Variants in LGSN observed in about 807,000 individuals in gnomAD.
LGSN encodes lengsin, lens protein with glutamine synthetase domain.
LGSN carries 21 observed loss-of-function variants against 19.5 expected under a neutral mutation model. That is an observed-to-expected ratio of 1.07 (90% CI 0.76 to 1.55). LGSN has a LOEUF of 1.55. LGSN is among the 40% of genes most tolerant of loss of function. The probability of loss-of-function intolerance (pLI) is 0.00; values close to 1 mark genes in which losing one functional copy is unlikely to be tolerated. For synonymous variants in LGSN, 257 were observed against 215.6 expected, an observed-to-expected ratio of 1.19 and a Z score of -1.68; for missense variants, 673 against 608.5, an observed-to-expected ratio of 1.11 and a Z score of -1.12.
the LGSN span, among the ~76,000 whole-genome samples, chr6:63,477,608 C>T: frequency 6.8e-6 from 1 of 146,146 alleles, no homozygotes; most frequent in East Asian, 2.1e-4. Flanking sequence ...TTTTTCGTCA[C>T]ATAAATCACG....
chr6:63,381,921 T>G, the LGSN span, among the ~76,000 whole-genome samples: 1 of 152,212 alleles, frequency 6.6e-6, no homozygotes, highest in Non-Finnish European at 1.5e-5. Flanking sequence ...ATATTGTTTT[T>G]TTAATTCCAA....
At chr6:63,468,777 C>A in the LGSN span, among the ~76,000 whole-genome samples, 2 of 151,736 alleles carry the variant, frequency 1.3e-5, no homozygotes, top group African/African-American at 2.4e-5. Flanking sequence ...GAGATGGAGT[C>A]TCGCTCTATT....
At chr6:63,503,831 A>G in the LGSN span, among the ~76,000 whole-genome samples, 3 of 152,096 alleles carry the variant, frequency 2.0e-5, no homozygotes, top group African/African-American at 7.2e-5. Context: ...TGGGAGAATC[A>G]CCAGAGCCTG....
At chr6:63,379,495 A>G in the LGSN span, among the ~76,000 whole-genome samples, 2 of 152,318 alleles carry the variant, frequency 1.3e-5, no homozygotes, top group African/African-American at 4.8e-5. Context: ...TAAAGGTGGA[A>G]GTGCAGTTGA....
the LGSN span, chr6:63,549,553 G>A: frequency 1.6e-6 from 1 of 608,888 alleles, no homozygotes; most frequent in Non-Finnish European, 2.9e-6. Flanking sequence ...GATAAATGTT[G>A]ACAAGATTTG....
chr6:63,367,228 T>G, the LGSN span, among the ~76,000 whole-genome samples: 2 of 152,108 alleles, frequency 1.3e-5, no homozygotes, highest in African/African-American at 4.8e-5. Flanking sequence ...TACAAAGAAC[T>G]TTAACAAATT....
At position 63,285,595 on chromosome 6, in the gene LGSN, A is replaced by G; in HGVS notation, c.322T>C (p.Phe108Leu). The G allele has an allele frequency of 6.2e-7, 1 of 1,612,270 alleles. No individual in the cohort carries two copies. Among genetic ancestry groups the G allele is most frequent in the Non-Finnish European group, 8.5e-7 (1 of 1,178,918 alleles). The stretch of plus-strand genomic sequence containing the variant: ...AACTGTGTAAAACTCACTTGAAAAA[A>G]GTGTGCAGGGATAGTCTTAGACCTG... ...VSRSKTIPAH[F>L]FQEKVSHGVC... Residue 108 changes from phenylalanine (F) to leucine (L), a missense_variant, in exon 3 of 4, where the codon TTT becomes CTT. Transcript: ENST00000370657.
At chr6:63,288,397 C>A (rs907568058) in intron 2 of LGSN, among the ~76,000 whole-genome samples, 1 of 150,208 alleles carries the variant, frequency 6.7e-6, no homozygotes, top group South Asian at 2.1e-4. Context: ...TGATGTGGGG[C>A]AAGTATAGAT....
At chr6:63,559,608 G>A in the LGSN span, among the ~76,000 whole-genome samples, 3 of 152,086 alleles carry the variant, frequency 2.0e-5, no homozygotes, top group Non-Finnish European at 2.9e-5. Context: ...AGCCAGGCAT[G>A]GTGGTGTATG....
At chr6:63,557,423 G>T in the LGSN span, among the ~76,000 whole-genome samples, 1 of 151,888 alleles carries the variant, frequency 6.6e-6, no homozygotes, top group African/African-American at 2.4e-5. Context: ...AAAATTATCT[G>T]GTGTAGTGTG....
chr6:63,332,451 C>G, the LGSN span, among the ~76,000 whole-genome samples: 1 of 152,112 alleles, frequency 6.6e-6, no homozygotes, highest in Non-Finnish European at 1.5e-5. Flanking sequence ...CAGGGTCAAC[C>G]AACATGTTGT....
the LGSN span, among the ~76,000 whole-genome samples, chr6:63,431,577 C>T: frequency 6.6e-6 from 1 of 152,194 alleles, no homozygotes; most frequent in Non-Finnish European, 1.5e-5. Flanking sequence ...ACTTAATCCC[C>T]ATGAGCTTTA....
At chr6:63,403,602 G>A in the LGSN span, among the ~76,000 whole-genome samples, 2 of 151,600 alleles carry the variant, frequency 1.3e-5, no homozygotes, top group Non-Finnish European at 2.9e-5. Context: ...TAGTTTCGGG[G>A]GAAGATCAAT....
the LGSN span, among the ~76,000 whole-genome samples, chr6:63,358,245 A>G: frequency 1.3e-5 from 2 of 152,144 alleles, no homozygotes; most frequent in African/African-American, 4.8e-5. Context: ...GCCTTGTAGT[A>G]TAGTTTGAAG....
the LGSN span, among the ~76,000 whole-genome samples, chr6:63,514,798 T>C: frequency 6.6e-6 from 1 of 152,066 alleles, no homozygotes; most frequent in African/African-American, 2.4e-5. Flanking sequence ...CCTCCTGGGC[T>C]CCAGTGATCC....
At chr6:63,489,282 T>C in the LGSN span, among the ~76,000 whole-genome samples, 2 of 152,204 alleles carry the variant, frequency 1.3e-5, no homozygotes, top group Non-Finnish European at 2.9e-5. Flanking sequence ...TATTATACAA[T>C]TTAAATTTCT....
the LGSN span, among the ~76,000 whole-genome samples, chr6:63,404,414 A>C: frequency 6.6e-6 from 1 of 152,184 alleles, no homozygotes; most frequent in Non-Finnish European, 1.5e-5. Flanking sequence ...GCTTAGCAAG[A>C]TTTCTATTTA....
intron 1 of LGSN, among the ~76,000 whole-genome samples, chr6:63,295,807 C>CAAAAG (rs1198126258): frequency 5.9e-5 from 9 of 151,962 alleles, no homozygotes; most frequent in Non-Finnish European, 1.0e-4. Context: ...CAGAGTCACC[C>CAAAAG]CTGCAGTCCC....
chr6:63,557,716 A>G, the LGSN span, among the ~76,000 whole-genome samples: 2 of 152,168 alleles, frequency 1.3e-5, no homozygotes, highest in Non-Finnish European at 2.9e-5. Context: ...ACATCTAGAA[A>G]GCATAATGGA....
Sources: gnomAD v4.1 joint callset for allele counts (sites outside exome capture counted in the v4.1 genomes callset) on GRCh38, gnomAD v4.1.1 for gene constraint, MANE v1.5 for transcripts, NCBI Gene and HGNC (gene_info 2026-07-23, HGNC 2026-07-21) for gene names.